APAF1: variants seen among roughly 807,000 people sequenced by gnomAD.
APAF1 encodes the protein apoptotic peptidase activating factor 1.
In APAF1, 91 loss-of-function variants were observed where a neutral mutation model predicts 152.4. That is an observed-to-expected ratio of 0.60 (90% CI 0.50 to 0.71). The LOEUF is 0.71. Among genes scored for constraint, APAF1 ranks in the 30% least tolerant of loss-of-function variants. APAF1 has a pLI of 0.00. For missense variants in APAF1, 1,283 were observed against 1,472.0 expected (o/e 0.87, Z 2.10); for synonymous variants, 484 against 494.1 (o/e 0.98, Z 0.27).
At chr12:98,697,654 A>G (rs982600898) in intron 16 of APAF1, among the ~76,000 whole-genome samples, 5 of 152,164 alleles carry the variant, frequency 3.3e-5, no homozygotes, top group African/African-American at 1.2e-4. Flanking sequence ...AGAACTGCCC[A>G]TGTTTGTGGT....
In APAF1 at chr12:98,689,474, C is replaced by CTGTGTG. The variant is rs796807068; in HGVS notation, c.2304+2618_2304+2623dup. ...AGAGAGAGAGAGAGAGTGTGTGTGT[C>CTGTGTG]TGTGTGTGTGTGTGTGTGTGTGAGA... On this transcript the variant is annotated intron_variant, in intron 16 of 26. Transcript: ENST00000551964. 1.6e-3 allele frequency among the ~76,000 whole-genome samples: 218 copies of CTGTGTG among 133,560 alleles called. 1 individual carries two copies. The highest frequency in any genetic ancestry group is 5.6e-3 in the African/African-American group (202 of 35,928). The allele number at this position is 133,560 out of a possible 152,430, so 87.6% of individuals were successfully genotyped here.
intron 26 of APAF1, among the ~76,000 whole-genome samples, chr12:98,728,884 G>T (rs557272864): frequency 6.6e-6 from 1 of 152,300 alleles, no homozygotes; most frequent in East Asian, 1.9e-4. Flanking sequence ...GTGCTTCAGG[G>T]TCATATTTTT....
intron 4 of APAF1, among the ~76,000 whole-genome samples, chr12:98,653,690 A>AC (rs2097652331): frequency 1.6e-5 from 1 of 61,024 alleles, no homozygotes; most frequent in African/African-American, 6.5e-5. Context: ...AAAAAAAAAA[A>AC]AATATATATA....
At chr12:98,721,532 C>T (rs2097742767) in intron 22 of APAF1, among the ~76,000 whole-genome samples, 1 of 152,170 alleles carries the variant, frequency 6.6e-6, no homozygotes, top group Non-Finnish European at 1.5e-5. Flanking sequence ...TGCCCTTCCT[C>T]TCTGGTATGA....
intron 12 of APAF1, among the ~76,000 whole-genome samples, chr12:98,674,534 T>G (rs1022249258): frequency 2.0e-5 from 3 of 152,192 alleles, no homozygotes; most frequent in African/African-American, 7.2e-5. Context: ...TTGCCCCATA[T>G]CATAGGATTT....
At chr12:98,672,926 G>A (rs938615354) in intron 12 of APAF1, among the ~76,000 whole-genome samples, 17 of 151,326 alleles carry the variant, frequency 1.1e-4, no homozygotes, top group African/African-American at 3.9e-4. Context: ...GGCCGATTTT[G>A]TATTTTTTTT....
chr12:98,697,868 TG>T (rs1421699434), intron 16 of APAF1, among the ~76,000 whole-genome samples: 1 of 152,232 alleles, frequency 6.6e-6, no homozygotes, highest in African/African-American at 2.4e-5. Context: ...TTAAGCATTT[TG>T]TAGGGTATCA....
intron 16 of APAF1, among the ~76,000 whole-genome samples, chr12:98,689,415 C>T (rs2097701596): frequency 6.6e-6 from 1 of 150,830 alleles, no homozygotes; most frequent in Non-Finnish European, 1.5e-5. Flanking sequence ...AAACTTTAGG[C>T]AAAGCCTTTT....
At chr12:98,723,607 C>T (rs2097746177) in intron 23 of APAF1, 32 bp from the exon 24 acceptor site, 1 of 1,526,878 alleles carries the variant, frequency 6.5e-7, no homozygotes, top group Non-Finnish European at 8.9e-7. Flanking sequence ...TTAAAAGTGT[C>T]AACCTCCAAG....
In APAF1 at chr12:98,683,321, T is replaced by C. The variant is rs768256473; in HGVS notation, c.2178+47T>C. 5.7e-6 allele frequency: 9 copies of C among 1,579,212 alleles called. No homozygotes were observed. The East Asian group carries it at 2.0e-4, about 35-fold the overall frequency. On this transcript the variant is annotated intron_variant, in intron 15 of 26. Coordinates refer to ENST00000551964, the MANE Select transcript of APAF1 (RefSeq NM_181861.2). ...TAGGTAGATAAATTTGATTCGTACA[T>C]CAGAGTATCTCCTTTGATTTTCTTA...
At chr12:98,671,173 C>A in intron 11 of APAF1, 87 bp downstream of exon 11, 1 of 884,574 alleles carries the variant, frequency 1.1e-6, no homozygotes, top group Non-Finnish European at 1.8e-6. Flanking sequence ...TGGGAATGAG[C>A]AGAATAGAAG....
chr12:98,727,205 T>C lies in APAF1; in HGVS notation c.3489T>C (p.His1163=). ...IWNVSNGELL[H]LCAPLSEEGA... is the part of the protein sequence containing the mutation. ...ATGTCTCAAACGGTGAGCTTCTTCATTTGTGTGCTCCGCTTTCAGAAGAAG... is the reference window on the plus strand; with the variant it reads ...ATGTCTCAAACGGTGAGCTTCTTCACTTGTGTGCTCCGCTTTCAGAAGAAG... Residue 1163 remains histidine, a synonymous_variant, in exon 26 of 27, where the codon CAT becomes CAC. Transcript: ENST00000551964. The C allele has an allele frequency of 6.2e-7, 1 of 1,614,146 alleles. No individual in the cohort carries two copies. The highest frequency in any genetic ancestry group is 8.5e-7 in the Non-Finnish European group (1 of 1,180,002).
In APAF1 at chr12:98,677,497, C is replaced by T. The variant is rs573387679; in HGVS notation, c.1866C>T (p.Cys622=). The change falls in exon 13 of 27, where the codon TGC becomes TGT. Residue 622 remains cysteine (C), a synonymous_variant. Coordinates refer to ENST00000551964, the MANE Select transcript of APAF1 (RefSeq NM_181861.2). ...RPHTDAVYHA[C]FSEDGQRIAS... is the part of the protein sequence containing the mutation. ...ACACAGATGCTGTTTACCATGCCTGCTTTTCTGAGGATGGTCAGAGAATAG... is the reference window on the plus strand; with the variant it reads ...ACACAGATGCTGTTTACCATGCCTGTTTTTCTGAGGATGGTCAGAGAATAG... 6.2e-7 allele frequency: 1 copy of T among 1,614,164 alleles called. No homozygotes were observed. Among genetic ancestry groups the T allele is most frequent in the South Asian group, 1.1e-5 (1 of 91,088 alleles).
At chr12:98,687,366 A>G (rs1201859470) in intron 16 of APAF1, among the ~76,000 whole-genome samples, 1 of 152,084 alleles carries the variant, frequency 6.6e-6, no homozygotes, top group African/African-American at 2.4e-5. Flanking sequence ...CGTCTCAAAA[A>G]AAAAAAAAAA....
chr12:98,665,278 A>ATATATT (rs1491316422), intron 7 of APAF1, among the ~76,000 whole-genome samples: 33 of 65,990 alleles, frequency 5.0e-4, no homozygotes, highest in South Asian at 1.1e-3. Context: ...ATATATATAT[A>ATATATT]TTTTTTTTTT....
chr12:98,721,205 T>C (rs1057368926), intron 22 of APAF1, among the ~76,000 whole-genome samples: 1 of 152,220 alleles, frequency 6.6e-6, no homozygotes, highest in Non-Finnish European at 1.5e-5. Flanking sequence ...CTCATCATCA[T>C]TGCCTAGTCA....
intron 25 of APAF1, among the ~76,000 whole-genome samples, chr12:98,725,916 A>G (rs543831351): frequency 5.9e-5 from 9 of 152,300 alleles, no homozygotes; most frequent in African/African-American, 1.9e-4. Flanking sequence ...TGAATTGCAA[A>G]TTCTGCTTTT....
intron 20 of APAF1, 144 bp downstream of exon 20, chr12:98,708,848 TA>T: frequency 2.6e-6 from 2 of 766,368 alleles, no homozygotes; most frequent in Non-Finnish European, 4.2e-6. Flanking sequence ...TAAATATATA[TA>T]AGTCTTGAGC....
intron 8 of APAF1, 31 bp downstream of exon 8, chr12:98,665,822 T>C: frequency 1.3e-6 from 2 of 1,492,796 alleles, no homozygotes; most frequent in Non-Finnish European, 1.9e-6. Flanking sequence ...CATCATTGGG[T>C]ATTTATTGCA....
Sources: gnomAD v4.1 joint callset for allele counts (sites outside exome capture counted in the v4.1 genomes callset) on GRCh38, gnomAD v4.1.1 for gene constraint, MANE v1.5 for transcripts, NCBI Gene and HGNC (gene_info 2026-07-23, HGNC 2026-07-21) for gene names.